The following ACOXL variants were observed in gnomAD, a reference collection of about 807,000 sequenced individuals.
The protein encoded by ACOXL is acyl-coenzyme A oxidase-like protein.
ACOXL carries 70 observed loss-of-function variants against 71.9 expected under a neutral mutation model. That is an observed-to-expected ratio of 0.97 (90% CI 0.80 to 1.19). The LOEUF is 1.19. Ranked by LOEUF, ACOXL falls within the 50% of genes most tolerant of loss-of-function variation. The pLI is 0.00. For missense variants in ACOXL, 703 were observed against 736.3 expected (o/e 0.95, Z 0.52); for synonymous variants, 253 against 281.6 (o/e 0.90, Z 1.02).
chr2:111,107,105 G>A (rs2069593708), intron 17 of ACOXL, among the ~76,000 whole-genome samples: 1 of 152,214 alleles, frequency 6.6e-6, no homozygotes, highest in Non-Finnish European at 1.5e-5. Context: ...GTAAGAGCAA[G>A]CTCCCCCATT....
chr2:110,836,472 C>T (rs1025340667), intron 9 of ACOXL, among the ~76,000 whole-genome samples: 13 of 151,092 alleles, frequency 8.6e-5, no homozygotes, highest in African/African-American at 3.2e-4. Context: ...CCTGCCTGGC[C>T]CTGTTTGGTA....
intron 10 of ACOXL, among the ~76,000 whole-genome samples, chr2:110,848,488 T>C (rs951804969): frequency 4.6e-5 from 7 of 152,206 alleles, no homozygotes; most frequent in African/African-American, 1.7e-4. Context: ...GCCCAAGTCA[T>C]ATGCTTTTCC....
intron 3 of ACOXL, among the ~76,000 whole-genome samples, chr2:110,791,128 G>T (rs1287190540): frequency 6.6e-6 from 1 of 152,234 alleles, no homozygotes; most frequent in African/African-American, 2.4e-5. Context: ...GGCCCAGCTT[G>T]GTTGGATTAG....
chr2:111,049,145 T>C (rs529172981), intron 15 of ACOXL, 73 bp from the exon 16 acceptor site: 1 of 1,157,570 alleles, frequency 8.6e-7, no homozygotes, highest in Non-Finnish European at 1.3e-6. Flanking sequence ...ATAACCACAG[T>C]GTCCTCCTTC....
At chr2:110,760,124 C>T (rs1680196756) in intron 1 of ACOXL, among the ~76,000 whole-genome samples, 1 of 150,232 alleles carries the variant, frequency 6.7e-6, no homozygotes, top group African/African-American at 2.4e-5. Context: ...CATATTATAG[C>T]TAGTTAAATT....
chr2:110,819,887 C>T (rs1229178710), intron 9 of ACOXL, among the ~76,000 whole-genome samples: 1 of 152,168 alleles, frequency 6.6e-6, no homozygotes. Flanking sequence ...CCACCTCTGC[C>T]TCACTTGGCT....
At chr2:111,035,421 C>G (rs983540012) in intron 15 of ACOXL, among the ~76,000 whole-genome samples, 4 of 152,124 alleles carry the variant, frequency 2.6e-5, no homozygotes, top group Non-Finnish European at 5.9e-5. Context: ...AGCTCTGAAG[C>G]CTTGGTGCTG....
intron 10 of ACOXL, among the ~76,000 whole-genome samples, chr2:110,874,975 C>A (rs1695728896): frequency 6.6e-6 from 1 of 152,076 alleles, no homozygotes; most frequent in African/African-American, 2.4e-5. Flanking sequence ...TGACCTTGTT[C>A]CCTTGTCCTG....
chr2:110,865,046 G>A (rs1246803082), intron 10 of ACOXL, among the ~76,000 whole-genome samples: 3 of 152,122 alleles, frequency 2.0e-5, no homozygotes, highest in Non-Finnish European at 2.9e-5. Context: ...ATGTATTTCT[G>A]TGTGGTGGAT....
chr2:110,781,513 G>A (rs1003048392), intron 2 of ACOXL, among the ~76,000 whole-genome samples: 3 of 151,786 alleles, frequency 2.0e-5, no homozygotes, highest in African/African-American at 7.3e-5. Flanking sequence ...ATGGTGGCGC[G>A]CACCTGTAAT....
chr2:111,095,110 G>A (rs1394340150), intron 17 of ACOXL, among the ~76,000 whole-genome samples: 1 of 152,038 alleles, frequency 6.6e-6, no homozygotes, highest in African/African-American at 2.4e-5. Flanking sequence ...CTTGATGTGA[G>A]GAGTAGCATG....
intron 13 of ACOXL, among the ~76,000 whole-genome samples, chr2:110,987,910 G>T (rs1214202653): frequency 2.6e-5 from 4 of 152,094 alleles, no homozygotes; most frequent in African/African-American, 9.7e-5. Context: ...CCCTGTACAT[G>T]TTTTCTGGGG....
chr2:110,804,940 A>G (rs1037421754), intron 8 of ACOXL, among the ~76,000 whole-genome samples: 4 of 152,330 alleles, frequency 2.6e-5, no homozygotes, highest in African/African-American at 9.6e-5. Flanking sequence ...CTATACTCAA[A>G]TCCATCAAAT....
chr2:110,908,932 C>T (rs773670481), intron 11 of ACOXL, 27 bp downstream of exon 11: 23 of 1,575,546 alleles, frequency 1.5e-5, no homozygotes, highest in Non-Finnish European at 1.8e-5. Context: ...GGTTTGCTCT[C>T]TTAGGGTAAG....
chr2:110,836,366 T>TGCCTGGCTCTCTTTGA (rs1690467136), intron 9 of ACOXL, among the ~76,000 whole-genome samples: 1 of 152,170 alleles, frequency 6.6e-6, no homozygotes, highest in South Asian at 2.1e-4. Flanking sequence ...GTATTCTGTG[T>TGCCTGGCTCTCTTTGA]GTCCATGGCT....
At chr2:110,863,596 C>A (rs534851108) in intron 10 of ACOXL, among the ~76,000 whole-genome samples, 1 of 152,096 alleles carries the variant, frequency 6.6e-6, no homozygotes. Flanking sequence ...CCTGAGCACC[C>A]CCCCCAACTG....
intron 10 of ACOXL, among the ~76,000 whole-genome samples, chr2:110,866,154 A>G (rs1694559655): frequency 6.6e-6 from 1 of 152,194 alleles, no homozygotes; most frequent in African/African-American, 2.4e-5. Context: ...TGTGGCCAGC[A>G]GGATGTGGGG....
chr2:111,048,948 C>T (rs1170101682), intron 15 of ACOXL, among the ~76,000 whole-genome samples: 1 of 152,084 alleles, frequency 6.6e-6, no homozygotes, highest in African/African-American at 2.4e-5. Flanking sequence ...GGAAGCTGAA[C>T]CCAGGACCTC....
At chr2:110,801,313 G>A (rs190566356) in intron 7 of ACOXL, among the ~76,000 whole-genome samples, 20 of 152,340 alleles carry the variant, frequency 1.3e-4, no homozygotes, top group Admixed American at 1.3e-3. Context: ...TCCCATTCTT[G>A]CAGTTGCTTA....
Sources: allele counts gnomAD v4.1 joint callset (sites outside exome capture counted in the v4.1 genomes callset), GRCh38; gene constraint gnomAD v4.1.1; transcripts MANE v1.5; gene names NCBI Gene and HGNC (gene_info 2026-07-23, HGNC 2026-07-21).